Variants in PYCR1 observed in about 807,000 individuals in gnomAD.
PYCR1 encodes the protein pyrroline-5-carboxylate reductase 1, mitochondrial.
In PYCR1, 19 loss-of-function variants were observed where a neutral mutation model predicts 22.9. The observed-to-expected ratio is 0.83, with a 90% CI of 0.58 to 1.22. The LOEUF (loss-of-function observed/expected upper bound fraction) is 1.22. Among genes scored for constraint, PYCR1 ranks in the 50% most tolerant of loss-of-function variants. The pLI, the probability that PYCR1 is intolerant of heterozygous loss-of-function variation, is 0.00. For synonymous variants in PYCR1, 175 were observed against 180.5 expected (o/e 0.97, Z 0.24); for missense variants, 429 against 431.3 (o/e 0.99, Z 0.05).
Position 81,932,663 on chromosome 17 carries a change from A to T in PYCR1, c.*551T>A. The stretch of plus-strand genomic sequence containing the variant: ...GGCCACAGAAGTTCACCAGCAGCCC[A>T]AGGAGCCCTTTCCCCAAATGTCCAT... On this transcript the variant is annotated 3_prime_UTR_variant, in exon 7 of 7. Transcript: ENST00000329875. 1 of 664,878 alleles carries T rather than the reference A, an allele frequency of 1.5e-6. No individual in the cohort carries two copies. The highest frequency in any genetic ancestry group is 2.5e-6 in the Non-Finnish European group (1 of 395,726). The allele number at this position is 664,878 out of a possible 1,614,324, so 41.2% of individuals were successfully genotyped here. A position where few individuals can be genotyped will look rare whatever the true frequency, so the allele number is the denominator to read the frequency against.
chr17:81,932,935 G>C lies in PYCR1; in HGVS notation c.*279C>G, dbSNP rs369375273. 3 of 1,611,922 alleles carry C rather than the reference G, an allele frequency of 1.9e-6. No individual in the cohort carries two copies. Among genetic ancestry groups the C allele is most frequent in the Non-Finnish European group, 2.5e-6 (3 of 1,179,490 alleles). On this transcript the variant is annotated 3_prime_UTR_variant, in exon 7 of 7. Coordinates refer to ENST00000329875, the MANE Select transcript of PYCR1 (RefSeq NM_006907.4). ...GAGTAGGAGTGGGTGAAGACCCTCC[G>C]GGCTCCCGAGCTCTAGAGGAAGGTG... is the stretch of plus-strand genomic sequence containing the variant.
In PYCR1 at chr17:81,936,794, G is replaced by T; in HGVS notation, c.21C>A (p.Gly7=). ...CCAGGGCAAAAGCCAGCTGGCCAGCGCCGATGAAGCCCACGCTCATGCTGT... is the reference window on the plus strand; with the variant it reads ...CCAGGGCAAAAGCCAGCTGGCCAGCTCCGATGAAGCCCACGCTCATGCTGT... MSVGFI[G]AGQLAFALAK... The change falls in exon 1 of 7, where the codon GGC becomes GGA. Residue 7 remains glycine (G), a synonymous_variant. Transcript: ENST00000329875. The T allele has an allele frequency of 1.2e-6, 2 of 1,610,330 alleles. No individual in the cohort carries two copies. Among genetic ancestry groups the T allele is most frequent in the Non-Finnish European group, 1.7e-6 (2 of 1,179,170 alleles).
intron 5 of PYCR1, 36 bp downstream of exon 5, chr17:81,934,617 G>C: frequency 6.4e-7 from 1 of 1,550,648 alleles, no homozygotes; most frequent in South Asian, 1.2e-5. Context: ...GCCCCGCAAA[G>C]AGTGGCCCCA....
In PYCR1 at chr17:81,937,084, GAAATGACTGGGAA is replaced by G; in HGVS notation, c.-283_-271del. 1 of 1,429,100 alleles carries G rather than the reference GAAATGACTGGGAA, an allele frequency of 7.0e-7. No homozygotes were observed. Among genetic ancestry groups the G allele is most frequent in the Non-Finnish European group, 9.1e-7 (1 of 1,094,958 alleles). The allele number at this position is 1,429,100 out of a possible 1,614,324, so 88.5% of individuals were successfully genotyped here. ...CTGGAGGGGTGGAGGTTCCGCAGAA[GAAATGACTGGGAA>G]GGGGGAAAAGTACGGGGAGAGGGAG... On this transcript the variant is annotated 5_prime_UTR_variant, in exon 1 of 7. Transcript: ENST00000329875.
chr17:81,935,248 T>C (rs2041149451), intron 3 of PYCR1, 89 bp downstream of exon 3: 1 of 1,583,854 alleles, frequency 6.3e-7, no homozygotes, highest in Non-Finnish European at 8.6e-7. Context: ...GCCGGGACGC[T>C]GCAACCCTTT....
intron 1 of PYCR1, 37 bp from the exon 2 acceptor site, chr17:81,936,230 AT>A (rs749028326): frequency 0.11 from 128,124 of 1,169,832 alleles, no homozygotes; most frequent in South Asian, 0.16. Context: ...GTTCTTTATT[AT>A]TTTTTTTTTT....
intron 2 of PYCR1, 81 bp from the exon 3 acceptor site, chr17:81,935,597 G>A: frequency 7.7e-7 from 1 of 1,303,834 alleles, no homozygotes; most frequent in Non-Finnish European, 1.1e-6. Context: ...CAGGTAGAAT[G>A]GCACAGAGAA....
At chr17:81,935,591 TAGAA>T in intron 2 of PYCR1, 75 bp from the exon 3 acceptor site, 1 of 1,332,538 alleles carries the variant, frequency 7.5e-7, no homozygotes, top group Non-Finnish European at 1.0e-6. Flanking sequence ...GCCCCACAGG[TAGAA>T]TGGCACAGAG....
chr17:81,933,461 C>T, intron 6 of PYCR1, 85 bp from the exon 7 acceptor site: 1 of 1,508,984 alleles, frequency 6.6e-7, no homozygotes, highest in East Asian at 2.4e-5. Flanking sequence ...CAGTGCCAGT[C>T]AGCCCTGGGC....
In PYCR1 at chr17:81,933,078, C is replaced by T. The variant is rs924322810; in HGVS notation, c.*136G>A. 1 of 1,585,962 alleles carries T rather than the reference C, an allele frequency of 6.3e-7. No homozygotes were observed. Among genetic ancestry groups the T allele is most frequent in the Non-Finnish European group, 8.5e-7 (1 of 1,171,820 alleles). ...GATTTCCAGTGGGAAGTGATGTGGC[C>T]CCTCCCTGGCTATGTCCCTGGCTGG... On this transcript the variant is annotated 3_prime_UTR_variant, in exon 7 of 7. Coordinates refer to ENST00000329875, the MANE Select transcript of PYCR1 (RefSeq NM_006907.4).
chr17:81,933,249 G>T lies in PYCR1; in HGVS notation c.925C>A (p.Leu309Ile). 6.2e-7 allele frequency: 1 copy of T among 1,614,070 alleles called. No individual in the cohort carries two copies. The highest frequency in any genetic ancestry group is 1.7e-4 in the Middle Eastern group (1 of 6,058). Residue 309 changes from leucine to isoleucine, a missense_variant, in exon 7 of 7, where the codon CTC becomes ATC. Leu to Ile is a conservative substitution (Grantham distance 5). Transcript: ENST00000329875. ...CCCGCTGGGGCCAGGCTGCGGGGGA[G>T]CAGCTTGGTGTGGCCAGAAGGTGAC... ...ALSPSGHTKLLPRSLAPAGKD is the reference protein window; with the variant it reads ...ALSPSGHTKLIPRSLAPAGKD
Position 81,937,254 on chromosome 17 carries a change from G to C in PYCR1, c.-440C>G. ...CCAACCCAGCTACCGTGCGCGGGTC[G>C]TACCCACCCCTCAGCGCTGCGGCCG... On this transcript the variant is annotated 5_prime_UTR_variant, in exon 1 of 7. Coordinates refer to ENST00000329875, the MANE Select transcript of PYCR1 (RefSeq NM_006907.4). The C allele has an allele frequency of 7.4e-7, 1 of 1,349,092 alleles. No homozygotes were observed. Among genetic ancestry groups the C allele is most frequent in the Non-Finnish European group, 9.6e-7 (1 of 1,046,300 alleles). 83.6% of individuals were successfully genotyped at this position (1,349,092 alleles called of 1,614,324 possible).
chr17:81,936,842 C>T lies in PYCR1; in HGVS notation c.-28G>A, dbSNP rs769150356. 5 of 1,598,260 alleles carry T rather than the reference C, an allele frequency of 3.1e-6. No individual in the cohort carries two copies. The highest frequency in any genetic ancestry group is 1.7e-6 in the Non-Finnish European group (2 of 1,173,990). On this transcript the variant is annotated 5_prime_UTR_variant, in exon 1 of 7. Transcript: ENST00000329875. ...TGTCCGGAGACCCCTGGCCCAAAGC[C>T]CCCACAGATGGCACCGGCTCTGCGG...
chr17:81,937,283 C>T lies in PYCR1; in HGVS notation c.-469G>A, dbSNP rs1043994989. ...CCACCCCTCAGCGCTGCGGCCGCCACGCGGCACCCGCACCCAGGCCCCGCC... is the reference window on the plus strand; with the variant it reads ...CCACCCCTCAGCGCTGCGGCCGCCATGCGGCACCCGCACCCAGGCCCCGCC... On this transcript the variant is annotated 5_prime_UTR_variant, in exon 1 of 7. The change creates a new upstream start codon in the 5' untranslated region. Transcript: ENST00000329875. 2.6e-6 allele frequency: 3 copies of T among 1,153,666 alleles called. No individual in the cohort carries two copies. Among genetic ancestry groups the T allele is most frequent in the Non-Finnish European group, 3.3e-6 (3 of 911,916 alleles). The allele number at this position is 1,153,666 out of a possible 1,614,324, so 71.5% of individuals were successfully genotyped here.
chr17:81,933,343 C>T lies in PYCR1; in HGVS notation c.831G>A (p.Val277=). 2 of 1,613,900 alleles carry T rather than the reference C, an allele frequency of 1.2e-6. No individual in the cohort carries two copies. Among genetic ancestry groups the T allele is most frequent in the Non-Finnish European group, 1.7e-6 (2 of 1,180,004 alleles). The part of the protein sequence containing the change: ...ELQSMADQEQ[V]SPAAIKKTIL... Reference sequence around the variant, plus strand: ...TGGTCTTCTTGATGGCGGCTGGTGACACCTGCTCCTGGTCAGCCATGGACT... The same window carrying T: ...TGGTCTTCTTGATGGCGGCTGGTGATACCTGCTCCTGGTCAGCCATGGACT... Residue 277 remains valine, a synonymous_variant, in exon 7 of 7, where the codon GTG becomes GTA. Coordinates refer to ENST00000329875, the MANE Select transcript of PYCR1 (RefSeq NM_006907.4).
rs777604869 is a variant in PYCR1 at position 81,934,929 on chromosome 17, G to A, written c.537C>T (p.Ala179=). The change falls in exon 4 of 7, where the codon GCC becomes GCT. Residue 179 remains alanine (A), a synonymous_variant. Coordinates refer to ENST00000329875, the MANE Select transcript of PYCR1 (RefSeq NM_006907.4). The stretch of plus-strand genomic sequence containing the variant: ...CAGCTTCCCCCGCAGTCCTTACGTA[G>A]GCGGGGCCGCTGCCACTGAGCCCCG... ...AVTGLSGSGP[A]YAFTALDALA... is the part of the protein sequence containing the mutation. The A allele has an allele frequency of 2.6e-5, 42 of 1,609,360 alleles. No individual in the cohort carries two copies. In the South Asian group the frequency reaches 3.1e-4, roughly 12 times the overall value.
chr17:81,933,803 C>T (rs1022654123), intron 6 of PYCR1, among the ~76,000 whole-genome samples: 8 of 152,204 alleles, frequency 5.3e-5, no homozygotes, highest in Non-Finnish European at 1.0e-4. Context: ...CTGGGGACAG[C>T]GGCTCCCAGC....
rs891321629 is a variant in PYCR1 at position 81,937,183 on chromosome 17, C to T, written c.-369G>A. On this transcript the variant is annotated 5_prime_UTR_variant, in exon 1 of 7. Transcript: ENST00000329875. Reference sequence around the variant, plus strand: ...ACCCCGCCCAGAACTGGGCTACCGTCGCGCCCCACCCGGCGACCGCCGCCC... The same window carrying T: ...ACCCCGCCCAGAACTGGGCTACCGTTGCGCCCCACCCGGCGACCGCCGCCC... 2.4e-5 allele frequency: 35 copies of T among 1,472,984 alleles called. No individual in the cohort carries two copies. The highest frequency in any genetic ancestry group is 1.3e-4 in the East Asian group (5 of 37,816). The allele number at this position is 1,472,984 out of a possible 1,614,324, so 91.2% of individuals were successfully genotyped here.
rs886053566 is a variant in PYCR1 at position 81,932,468 on chromosome 17, G to A, written c.*746C>T. On this transcript the variant is annotated 3_prime_UTR_variant, in exon 7 of 7. Transcript: ENST00000329875. ...GCGGGCCTTGTCTAATCAGTTGAAG[G>A]CCTCCACTATTCCACCCACAGTAAC... The A allele has an allele frequency of 6.7e-6, 2 of 296,696 alleles. No individual in the cohort carries two copies. Among genetic ancestry groups the A allele is most frequent in the Non-Finnish European group, 1.3e-5 (2 of 151,390 alleles). The allele number at this position is 296,696 out of a possible 1,614,324, so 18.4% of individuals were successfully genotyped here.
Sources: allele counts gnomAD v4.1 joint callset (sites outside exome capture counted in the v4.1 genomes callset), GRCh38; gene constraint gnomAD v4.1.1; transcripts MANE v1.5; gene names NCBI Gene and HGNC (gene_info 2026-07-23, HGNC 2026-07-21).